CACNA2D2: variants seen among roughly 807,000 people sequenced by gnomAD.
The protein encoded by CACNA2D2 is calcium voltage-gated channel auxiliary subunit alpha2delta 2.
Under a neutral mutation model 166.4 loss-of-function variants are expected in CACNA2D2, and 48 were observed. The ratio of observed to expected loss-of-function variants is 0.29; its 90% CI spans 0.23 to 0.37. The LOEUF (loss-of-function observed/expected upper bound fraction) is 0.37, where lower values mean the gene tolerates loss of function less well. CACNA2D2 is among the 10% of genes least tolerant of loss of function. The probability of loss-of-function intolerance (pLI) is 1.00; values close to 1 mark genes in which losing one functional copy is unlikely to be tolerated. For synonymous variants in CACNA2D2, 561 were observed against 573.7 expected, an observed-to-expected ratio of 0.98 and a Z score of 0.32; for missense variants, 1,122 against 1,433.0, an observed-to-expected ratio of 0.78 and a Z score of 3.50.
intron 2 of CACNA2D2, among the ~76,000 whole-genome samples, chr3:50,469,760 T>C (rs894889044): frequency 6.6e-6 from 1 of 152,120 alleles, no homozygotes; most frequent in African/African-American, 2.4e-5. Flanking sequence ...CTTCCCACCA[T>C]CCAGCTATTG....
At chr3:50,485,642 G>A (rs921543956) in intron 1 of CACNA2D2, among the ~76,000 whole-genome samples, 2 of 152,218 alleles carry the variant, frequency 1.3e-5, no homozygotes, top group African/African-American at 4.8e-5. Flanking sequence ...AAACTCCTAG[G>A]ATACGGAGAC....
chr3:50,457,083 C>G (rs1461061872), intron 2 of CACNA2D2, among the ~76,000 whole-genome samples: 1 of 152,146 alleles, frequency 6.6e-6, no homozygotes, highest in East Asian at 1.9e-4. Context: ...AACCCTGTCT[C>G]TACTAAAAAT....
intron 1 of CACNA2D2, among the ~76,000 whole-genome samples, chr3:50,486,063 T>C (rs1467916): frequency 6.6e-6 from 1 of 151,852 alleles, no homozygotes; most frequent in Non-Finnish European, 1.5e-5. Context: ...GGAACAGAAG[T>C]CCTGCCCGGG....
intron 2 of CACNA2D2, 114 bp downstream of exon 2, chr3:50,476,004 C>T: frequency 2.2e-6 from 2 of 900,356 alleles, no homozygotes; most frequent in Non-Finnish European, 3.4e-6. Flanking sequence ...CCATCAGGTC[C>T]CACCACACCA....
At chr3:50,409,968 T>C (rs547434407) in intron 3 of CACNA2D2, among the ~76,000 whole-genome samples, 37 of 152,266 alleles carry the variant, frequency 2.4e-4, no homozygotes, top group African/African-American at 6.7e-4. Context: ...TCCCAGAGCA[T>C]AGACTGAGGC....
intron 3 of CACNA2D2, among the ~76,000 whole-genome samples, chr3:50,409,519 G>A (rs920721477): frequency 3.3e-5 from 5 of 152,250 alleles, no homozygotes; most frequent in African/African-American, 9.6e-5. Flanking sequence ...TGCTGCACAC[G>A]GAGCTGTCAT....
In CACNA2D2 at chr3:50,366,052, G is replaced by A. The variant is rs772157814; in HGVS notation, c.2821C>T (p.Pro941Ser). Residue 941 changes from proline to serine, a missense_variant, in exon 32 of 38, where the codon CCC (proline) becomes TCC (serine). Pro to Ser is a moderately conservative substitution (Grantham distance 74). This residue lies in a region of CACNA2D2 where 840 missense variants were observed against 1,166.8 expected (regional missense o/e 0.72). Transcript: ENST00000424201. This position sits in a 1 kb window ranked among gnomAD's most constrained non-coding sequence, Gnocchi z 5.9. ...GGTGCAGCACCCAGGTTGCCAGGGGGCTGAGGGGCACAGGCTGCCTGATAG... is the reference window on the plus strand; with the variant it reads ...GGTGCAGCACCCAGGTTGCCAGGGGACTGAGGGGCACAGGCTGCCTGATAG... ...YDYQAACAPQ[P>S]PGNLGAAPRG... 1 of 1,613,620 alleles carries A rather than the reference G, an allele frequency of 6.2e-7. No individual in the cohort carries two copies. The highest frequency in any genetic ancestry group is 2.2e-5 in the East Asian group (1 of 44,878).
At chr3:50,490,795 T>C (rs981289349) in intron 1 of CACNA2D2, among the ~76,000 whole-genome samples, 1 of 152,178 alleles carries the variant, frequency 6.6e-6, no homozygotes, top group African/African-American at 2.4e-5. Context: ...CCCAGCCACA[T>C]AGTCCCTGAG....
chr3:50,470,858 C>T (rs1043228409), intron 2 of CACNA2D2, among the ~76,000 whole-genome samples: 20 of 152,118 alleles, frequency 1.3e-4, no homozygotes, highest in Admixed American at 5.9e-4. Context: ...CAATTATGCT[C>T]GAGCAGCGGC....
chr3:50,455,774 T>G (rs1709333609), intron 2 of CACNA2D2, among the ~76,000 whole-genome samples: 1 of 152,060 alleles, frequency 6.6e-6, no homozygotes, highest in South Asian at 2.1e-4. Flanking sequence ...TTCCAGAAGA[T>G]CTCAGCGATG....
At chr3:50,479,485 T>C (rs963612633) in intron 1 of CACNA2D2, among the ~76,000 whole-genome samples, 1 of 152,248 alleles carries the variant, frequency 6.6e-6, no homozygotes, top group Non-Finnish European at 1.5e-5. Context: ...ATTCATTCCA[T>C]TGTCACAGAG....
At chr3:50,450,813 C>T (rs557568913) in intron 2 of CACNA2D2, among the ~76,000 whole-genome samples, 33 of 152,240 alleles carry the variant, frequency 2.2e-4, no homozygotes, top group Middle Eastern at 3.4e-3. Flanking sequence ...AGACGCCCGC[C>T]GACGTCACAC....
intron 6 of CACNA2D2, among the ~76,000 whole-genome samples, chr3:50,382,070 A>T (rs1191751299): frequency 6.6e-6 from 1 of 151,366 alleles, no homozygotes; most frequent in Non-Finnish European, 1.5e-5. Flanking sequence ...GGACCCTTCA[A>T]CCTGGGCAGA....
intron 3 of CACNA2D2, among the ~76,000 whole-genome samples, chr3:50,400,805 A>G (rs1258151157): frequency 6.6e-6 from 1 of 152,132 alleles, no homozygotes; most frequent in South Asian, 2.1e-4. Flanking sequence ...CTCCTGTCTC[A>G]TCTTTATTTT....
In CACNA2D2 at chr3:50,363,531, A is replaced by T. The variant is rs1704042854; in HGVS notation, c.*1135T>A. ...ACAGTTTGGCCTCCTGCAAGCAGGG[A>T]GTGTGTGTGTAGGGGTGGGAAGGAG... On this transcript the variant is annotated 3_prime_UTR_variant, in exon 38 of 38. Transcript: ENST00000424201. The T allele has an allele frequency of 5.6e-6, 2 of 358,810 alleles. No homozygotes were observed. Among genetic ancestry groups the T allele is most frequent in the Non-Finnish European group, 9.9e-6 (2 of 202,834 alleles). 22.2% of individuals were successfully genotyped at this position (358,810 alleles called of 1,614,324 possible).
chr3:50,442,141 C>T (rs142576073), intron 2 of CACNA2D2, among the ~76,000 whole-genome samples: 39 of 152,252 alleles, frequency 2.6e-4, no homozygotes, highest in African/African-American at 9.1e-4. Flanking sequence ...TTGGTGGTCA[C>T]GAGGATGCTT....
chr3:50,455,502 A>ATT (rs1709315475), intron 2 of CACNA2D2, among the ~76,000 whole-genome samples: 1 of 152,218 alleles, frequency 6.6e-6, no homozygotes. Flanking sequence ...TTAAATAGCG[A>ATT]CACTTTGGCG....
At chr3:50,463,168 G>T (rs563821187) in intron 2 of CACNA2D2, among the ~76,000 whole-genome samples, 1 of 152,316 alleles carries the variant, frequency 6.6e-6, no homozygotes, top group African/African-American at 2.4e-5. Flanking sequence ...CCTGGTCAGG[G>T]GTCCCACCCC....
At chr3:50,409,044 G>C (rs1474059053) in intron 3 of CACNA2D2, among the ~76,000 whole-genome samples, 1 of 152,200 alleles carries the variant, frequency 6.6e-6, no homozygotes, top group African/African-American at 2.4e-5. Context: ...CATTGGGCTG[G>C]ACTTTCTGAG....
Sources: allele counts gnomAD v4.1 joint callset (sites outside exome capture counted in the v4.1 genomes callset), GRCh38; gene constraint gnomAD v4.1.1; regional missense constraint gnomAD v4.1.1; non-coding constraint Gnocchi (gnomAD v3.1); transcripts MANE v1.5; gene names NCBI Gene and HGNC (gene_info 2026-07-23, HGNC 2026-07-21).